Variants in KCNIP4 observed in about 807,000 individuals in gnomAD.
KCNIP4 encodes Kv channel-interacting protein 4.
A neutral mutation model predicts 34.0 loss-of-function variants in KCNIP4; 12 were observed. The ratio of observed to expected loss-of-function variants is 0.35; its 90% confidence interval spans 0.23 to 0.57. The LOEUF (loss-of-function observed/expected upper bound fraction) is 0.57. Ranked by LOEUF, KCNIP4 falls within the 20% of genes least tolerant of loss-of-function variation. The pLI, the probability that KCNIP4 is intolerant of heterozygous loss-of-function variation, is 0.83. For missense variants in KCNIP4, 238 were observed against 311.7 expected (o/e 0.76, Z 1.78); for synonymous variants, 124 against 102.2 (o/e 1.21, Z -1.29).
chr4:21,914,146 A>C (rs1193248121), intron 1 of KCNIP4, among the ~76,000 whole-genome samples: 1 of 152,152 alleles, frequency 6.6e-6, no homozygotes, highest in Non-Finnish European at 1.5e-5. Context: ...TAGAACTATC[A>C]AGTTTGGCAT....
At chr4:21,580,413 G>A (rs1242318000) in intron 1 of KCNIP4, among the ~76,000 whole-genome samples, 5 of 151,984 alleles carry the variant, frequency 3.3e-5, no homozygotes, top group Admixed American at 1.3e-4. Context: ...CTTTGTATAC[G>A]AAAGTTTTGC....
intron 1 of KCNIP4, among the ~76,000 whole-genome samples, chr4:21,209,898 C>A (rs1757107932): frequency 6.6e-6 from 1 of 152,086 alleles, no homozygotes; most frequent in Non-Finnish European, 1.5e-5. Flanking sequence ...TTAAAAAGTT[C>A]AATAATTATT....
intron 1 of KCNIP4, among the ~76,000 whole-genome samples, chr4:21,407,994 G>A (rs1724144373): frequency 6.6e-6 from 1 of 152,088 alleles, no homozygotes; most frequent in Non-Finnish European, 1.5e-5. Flanking sequence ...AATCTCTCTA[G>A]GCCACAGCTG....
At chr4:21,011,910 T>A (rs1344466760) in intron 1 of KCNIP4, among the ~76,000 whole-genome samples, 2 of 152,216 alleles carry the variant, frequency 1.3e-5, no homozygotes, top group Admixed American at 1.3e-4. Context: ...TGTGGCATAA[T>A]CAAGACAAGT....
At chr4:20,975,681 C>CA (rs1386436881) in intron 1 of KCNIP4, among the ~76,000 whole-genome samples, 2 of 152,010 alleles carry the variant, frequency 1.3e-5, no homozygotes, top group African/African-American at 2.4e-5. Flanking sequence ...GTTAAATTTC[C>CA]AAAAAACAAT....
intron 1 of KCNIP4, among the ~76,000 whole-genome samples, chr4:21,724,042 G>T (rs1715014075): frequency 6.6e-6 from 1 of 152,112 alleles, no homozygotes. Flanking sequence ...AATGCCATAT[G>T]AGTTGGAGAG....
intron 1 of KCNIP4, 73 bp downstream of exon 1, chr4:21,948,498 G>C (rs1730627343): frequency 1.3e-6 from 2 of 1,511,292 alleles, no homozygotes; most frequent in African/African-American, 2.7e-5. Flanking sequence ...AGGAAGGGAA[G>C]GGGCAGCCGT....
chr4:21,342,435 T>A (rs746459356), intron 1 of KCNIP4, among the ~76,000 whole-genome samples: 1 of 152,142 alleles, frequency 6.6e-6, no homozygotes, highest in Non-Finnish European at 1.5e-5. Context: ...AACTCATTAA[T>A]AAACATTGTC....
At chr4:21,731,217 T>TA (rs1396184218) in intron 1 of KCNIP4, among the ~76,000 whole-genome samples, 1 of 152,090 alleles carries the variant, frequency 6.6e-6, no homozygotes, top group Non-Finnish European at 1.5e-5. Flanking sequence ...GTCCCACTGT[T>TA]AGACAATTTT....
At chr4:21,809,297 A>G (rs1261009632) in intron 1 of KCNIP4, among the ~76,000 whole-genome samples, 2 of 152,144 alleles carry the variant, frequency 1.3e-5, no homozygotes, top group Non-Finnish European at 2.9e-5. Context: ...CTTGGACACC[A>G]CAGCTCCTCA....
At chr4:21,417,885 A>G (rs1026208452) in intron 1 of KCNIP4, among the ~76,000 whole-genome samples, 4 of 152,168 alleles carry the variant, frequency 2.6e-5, no homozygotes, top group African/African-American at 9.7e-5. Context: ...CTTCCCAGAA[A>G]TGTGTTTCTC....
intron 1 of KCNIP4, among the ~76,000 whole-genome samples, chr4:21,072,631 CAGA>C (rs1312847747): frequency 6.6e-6 from 1 of 152,100 alleles, no homozygotes; most frequent in East Asian, 1.9e-4. Flanking sequence ...TTTTGCTGTG[CAGA>C]AGTTCTTTAG....
intron 1 of KCNIP4, among the ~76,000 whole-genome samples, chr4:21,621,654 G>C (rs867883125): frequency 6.6e-6 from 1 of 151,980 alleles, no homozygotes; most frequent in Non-Finnish European, 1.5e-5. Flanking sequence ...CACCATGTTC[G>C]GCCACTTCTT....
chr4:21,898,785 C>T (rs916592777), intron 1 of KCNIP4, among the ~76,000 whole-genome samples: 5 of 152,198 alleles, frequency 3.3e-5, no homozygotes, highest in South Asian at 2.1e-4. Context: ...AAGGGGACTT[C>T]GTCTTATAGC....
Position 21,317,876 on chromosome 4 carries a change from C to T in KCNIP4, c.62-435167G>A, listed in dbSNP as rs543270988. ...AAGCTCTCTAACTCTTGTCTGCTGC[C>T]ATGTGAGGCGTGTCTTTCACCTTCC... On this transcript the variant is annotated intron_variant, in intron 1 of 8. Transcript: ENST00000382152. Among the ~76,000 whole-genome samples, 60 of 152,308 alleles carry T rather than the reference C, an allele frequency of 3.9e-4. No individual in the cohort carries two copies. In the South Asian group the frequency reaches 0.012, roughly 31 times the overall value.
At chr4:21,567,130 G>A (rs912112887) in intron 1 of KCNIP4, among the ~76,000 whole-genome samples, 1 of 152,064 alleles carries the variant, frequency 6.6e-6, no homozygotes, top group Non-Finnish European at 1.5e-5. Context: ...GACAAAGATA[G>A]TTAATTCCCT....
At chr4:20,776,527 T>C (rs1756386341) in intron 3 of KCNIP4, among the ~76,000 whole-genome samples, 1 of 152,164 alleles carries the variant, frequency 6.6e-6, no homozygotes, top group African/African-American at 2.4e-5. Context: ...GTACTTACAA[T>C]GCTCATATGA....
chr4:21,331,674 C>A (rs201216962), intron 1 of KCNIP4, among the ~76,000 whole-genome samples: 1 of 50,114 alleles, frequency 2.0e-5, no homozygotes, highest in Non-Finnish European at 3.6e-5. Context: ...AGAAATATTG[C>A]CTTACATATG....
At chr4:20,829,082 A>G (rs527270800) in intron 3 of KCNIP4, among the ~76,000 whole-genome samples, 2 of 152,354 alleles carry the variant, frequency 1.3e-5, no homozygotes, top group East Asian at 3.9e-4. Context: ...GCAGAGGTCC[A>G]TCTTTAAACC....
Sources: gnomAD v4.1 joint callset for allele counts (sites outside exome capture counted in the v4.1 genomes callset) on GRCh38, gnomAD v4.1.1 for gene constraint, MANE v1.5 for transcripts, NCBI Gene and HGNC (gene_info 2026-07-23, HGNC 2026-07-21) for gene names.